Variants in FGD4 observed in about 807,000 individuals in gnomAD.
The protein encoded by FGD4 is FYVE, RhoGEF and PH domain-containing protein 4.
A neutral mutation model predicts 102.0 loss-of-function variants in FGD4; 42 were observed. The observed-to-expected ratio is 0.41, with a 90% CI of 0.32 to 0.53. The LOEUF is 0.53. Among genes scored for constraint, FGD4 ranks in the 20% least tolerant of loss-of-function variants. The pLI, the probability that FGD4 is intolerant of heterozygous loss-of-function variation, is 0.21. For missense variants in FGD4, 902 were observed against 1,078.2 expected (o/e 0.84, Z 2.29); for synonymous variants, 380 against 375.7 (o/e 1.01, Z -0.13).
In FGD4 at chr12:32,644,765, G is replaced by T. The variant is rs989315501; in HGVS notation, c.*4232G>T. The T allele has an allele frequency of 2.0e-5, 3 of 152,192 alleles. No individual in the cohort carries two copies. The highest frequency in any genetic ancestry group is 4.4e-5 in the Non-Finnish European group (3 of 67,990). 9.4% of individuals were successfully genotyped at this position (152,192 alleles called of 1,614,324 possible). On this transcript the variant is annotated 3_prime_UTR_variant, in exon 17 of 17. Coordinates refer to ENST00000534526, the MANE Select transcript of FGD4 (RefSeq NM_001370298.3). ...TAATTACATGCTGATGGGATCCATT[G>T]CACCCAGGTTTTTGACCTTGGCCTG...
intron 1 of FGD4, among the ~76,000 whole-genome samples, chr12:32,527,089 GA>G (rs1329597664): frequency 1.3e-5 from 2 of 152,076 alleles, no homozygotes; most frequent in Non-Finnish European, 2.9e-5. Context: ...ACCAAAATTT[GA>G]AATTCATATA....
At chr12:32,570,025 G>C (rs557909074) in intron 2 of FGD4, among the ~76,000 whole-genome samples, 1 of 151,898 alleles carries the variant, frequency 6.6e-6, no homozygotes, top group Non-Finnish European at 1.5e-5. Context: ...GGCGGATCAC[G>C]AGGTCAGGAG....
intron 12 of FGD4, 81 bp from the exon 13 acceptor site, chr12:32,624,893 CAT>C: frequency 8.5e-7 from 1 of 1,173,842 alleles, no homozygotes; most frequent in East Asian, 2.4e-5. Flanking sequence ...TGATTCCTAT[CAT>C]AGATATTTGT....
At chr12:32,591,350 G>A (rs1386271578) in intron 4 of FGD4, among the ~76,000 whole-genome samples, 1 of 152,122 alleles carries the variant, frequency 6.6e-6, no homozygotes, top group African/African-American at 2.4e-5. Flanking sequence ...GTAGCTTTTG[G>A]TATATGTTTT....
At chr12:32,507,583 A>T (rs1430286413) in intron 1 of FGD4, among the ~76,000 whole-genome samples, 3 of 152,178 alleles carry the variant, frequency 2.0e-5, no homozygotes, top group Non-Finnish European at 4.4e-5. Flanking sequence ...CTCTTTCAGG[A>T]CTTAATCCCG....
intron 1 of FGD4, among the ~76,000 whole-genome samples, chr12:32,476,016 A>G (rs751014812): frequency 6.6e-6 from 1 of 152,156 alleles, no homozygotes; most frequent in Non-Finnish European, 1.5e-5. Flanking sequence ...GCCAGTTGGC[A>G]CTTTTGACAT....
intron 15 of FGD4, among the ~76,000 whole-genome samples, chr12:32,636,390 G>A (rs987115709): frequency 4.0e-5 from 6 of 151,830 alleles, no homozygotes; most frequent in Admixed American, 3.3e-4. Flanking sequence ...AAAATTAGCC[G>A]GGCCTGGTGG....
rs765738675 is a variant in FGD4, at chr12:32,598,583, T to G, written c.1098T>G (p.Asp366Glu). 9.3e-6 allele frequency: 15 copies of G among 1,610,506 alleles called. No homozygotes were observed. Reference sequence around the variant, plus strand: ...ATGTCAACCGACTTGACCTCTTAGATCAGGTAAGATTTTCTTTCTCAGAAT... The same window carrying G: ...ATGTCAACCGACTTGACCTCTTAGAGCAGGTAAGATTTTCTTTCTCAGAAT... ...RAYVNRLDLL[D>E]QVFYCKLLEE... Residue 366 changes from aspartate (D) to glutamate (E), a missense_variant, in exon 5 of 17, where the codon GAT becomes GAG. Physicochemically the swap from Asp to Glu is conservative, Grantham distance 45 (BLOSUM62 2). This residue lies in a region of FGD4 where 443 missense variants were observed against 459.2 expected (regional missense o/e 0.96). Coordinates refer to ENST00000534526, the MANE Select transcript of FGD4 (RefSeq NM_001370298.3).
intron 1 of FGD4, among the ~76,000 whole-genome samples, chr12:32,491,489 A>G (rs1197945491): frequency 6.6e-6 from 1 of 152,206 alleles, no homozygotes; most frequent in African/African-American, 2.4e-5. Context: ...AGGTACAGAA[A>G]GTCCCTTCCC....
At chr12:32,603,208 A>G (rs1237040971) in intron 7 of FGD4, among the ~76,000 whole-genome samples, 1 of 152,166 alleles carries the variant, frequency 6.6e-6, no homozygotes, top group African/African-American at 2.4e-5. Flanking sequence ...CTATAAGTCT[A>G]TTGTATACTA....
chr12:32,560,126 G>A (rs1304090874), intron 1 of FGD4, among the ~76,000 whole-genome samples: 1 of 152,170 alleles, frequency 6.6e-6, no homozygotes, highest in Non-Finnish European at 1.5e-5. Context: ...CCCCTGAAAG[G>A]CCAAGTGGTT....
chr12:32,402,628 A>C (rs993040058), intron 1 of FGD4, among the ~76,000 whole-genome samples: 1 of 151,050 alleles, frequency 6.6e-6, no homozygotes, highest in Non-Finnish European at 1.5e-5. Flanking sequence ...TTCAAAGAAA[A>C]CCCAGAGCAG....
At chr12:32,445,530 A>C (rs1431031779) in intron 1 of FGD4, among the ~76,000 whole-genome samples, 1 of 152,200 alleles carries the variant, frequency 6.6e-6, no homozygotes, top group Non-Finnish European at 1.5e-5. Context: ...TTATTGAATA[A>C]AATCTGTTGT....
In FGD4 at chr12:32,598,497, G is replaced by A. The variant is rs1263784463; in HGVS notation, c.1012G>A (p.Glu338Lys). Residue 338 changes from glutamate to lysine, a missense_variant and splice_region_variant, in exon 5 of 17, where the codon GAG becomes AAG. Transcript: ENST00000534526. The part of the protein sequence containing the change: ...EQLDQHHEMK[E>K]TNEQKLHKIA... The stretch of plus-strand genomic sequence containing the variant: ...GTGTGAATATCTTTCCAATTTTTAG[G>A]AGACTAATGAGCAAAAACTTCACAA... The A allele has an allele frequency of 6.2e-7, 1 of 1,608,168 alleles. No individual in the cohort carries two copies. The highest frequency in any genetic ancestry group is 1.3e-5 in the African/African-American group (1 of 74,638).
At chr12:32,475,154 C>G (rs150741204) in intron 1 of FGD4, among the ~76,000 whole-genome samples, 1 of 152,254 alleles carries the variant, frequency 6.6e-6, no homozygotes, top group East Asian at 1.9e-4. Context: ...TCTCCATCCC[C>G]TAGGCTCTTG....
At chr12:32,414,438 A>C (rs1231234235) in intron 1 of FGD4, among the ~76,000 whole-genome samples, 1 of 152,180 alleles carries the variant, frequency 6.6e-6, no homozygotes, top group Non-Finnish European at 1.5e-5. Context: ...TTGTGTTACA[A>C]TCCAATTACA....
Position 32,640,344 on chromosome 12 carries a change from C to A in FGD4, c.2523C>A (p.Asp841Glu), listed in dbSNP as rs751777807. 8 of 1,614,104 alleles carry A rather than the reference C, an allele frequency of 5.0e-6. No homozygotes were observed. The Admixed American group carries it at 5.0e-5, about 10-fold the overall frequency. Reference protein sequence around the residue: ...YVVDEMPRSADLPHSFKLTQS... With the variant: ...YVVDEMPRSAELPHSFKLTQS... ...TGGATGAAATGCCAAGGAGCGCAGA[C>A]CTGCCACACAGTTTCAAACTGACCC... The change falls in exon 17 of 17, where the codon GAC (aspartate) becomes GAA (glutamate). Residue 841 changes from aspartate to glutamate, a missense_variant. Asp to Glu is a conservative substitution (Grantham distance 45). Around this residue, in one of 2 missense-constraint regions of FGD4, gnomAD observed 459 missense variants for 619.0 expected, o/e 0.74. Transcript: ENST00000534526.
At chr12:32,411,631 G>C (rs1941213588) in intron 1 of FGD4, among the ~76,000 whole-genome samples, 1 of 152,052 alleles carries the variant, frequency 6.6e-6, no homozygotes, top group Non-Finnish European at 1.5e-5. Flanking sequence ...AGAATACTGA[G>C]GGGTCATTGC....
At chr12:32,477,810 A>C (rs543157744) in intron 1 of FGD4, among the ~76,000 whole-genome samples, 5 of 152,350 alleles carry the variant, frequency 3.3e-5, no homozygotes, top group Admixed American at 3.3e-4. Flanking sequence ...AGAAGGAATA[A>C]TGGGATGACA....
Sources: gnomAD v4.1 joint callset for allele counts (sites outside exome capture counted in the v4.1 genomes callset) on GRCh38, gnomAD v4.1.1 for gene constraint, gnomAD v4.1.1 regional missense constraint, MANE v1.5 for transcripts, NCBI Gene and HGNC (gene_info 2026-07-23, HGNC 2026-07-21) for gene names.